DMD: variants seen among roughly 807,000 people sequenced by gnomAD.
DMD encodes mutant dystrophin.
In DMD, 63 loss-of-function variants were observed where a neutral mutation model predicts 330.1. That is an observed-to-expected ratio of 0.19 (90% confidence interval 0.16 to 0.24). The LOEUF is 0.24. DMD is among the 10% of genes least tolerant of loss of function. The pLI is 1.00. For synonymous variants in DMD, 1,223 were observed against 959.8 expected, an observed-to-expected ratio of 1.27 and a Z score of -5.07; for missense variants, 3,344 against 2,684.1, an observed-to-expected ratio of 1.25 and a Z score of -5.43.
chrX:31,300,282 C>G lies in DMD; in HGVS notation c.9224+23316G>C, dbSNP rs7888515. Among the ~76,000 whole-genome samples the G allele has an allele frequency of 8.7e-3, 978 of 112,279 alleles. 8 individuals carry two copies. The highest frequency in any genetic ancestry group is 0.03 in the African/African-American group (924 of 30,889). ...CACGCATTTTTCATGTTACAAAAAT[C>G]TTCCTACAGAAGTTCCAAACCTGTT... is the stretch of plus-strand genomic sequence containing the variant. On this transcript the variant is annotated intron_variant, in intron 62 of 78. Coordinates refer to ENST00000357033, the MANE Select transcript of DMD (RefSeq NM_004006.3).
chrX:31,869,986 C>CT (rs768955214), intron 48 of DMD, among the ~76,000 whole-genome samples: 111 of 111,486 alleles, frequency 1.0e-3, no homozygotes, highest in African/African-American at 3.4e-3. Flanking sequence ...TCATGGAAAT[C>CT]TCCTTCATGA....
At chrX:33,167,258 C>A (rs2148685336) in intron 1 of DMD, among the ~76,000 whole-genome samples, 1 of 111,413 alleles carries the variant, frequency 9.0e-6, no homozygotes, top group African/African-American at 3.2e-5. Flanking sequence ...TTATTTTATG[C>A]ATTTTAATGT....
intron 1 of DMD, among the ~76,000 whole-genome samples, chrX:33,117,529 G>T (rs186927615): frequency 9.0e-6 from 1 of 111,152 alleles, no homozygotes; most frequent in Non-Finnish European, 1.9e-5. Context: ...TGGGGGAAAA[G>T]GTACCTCATA....
At chrX:31,733,789 A>C (rs1325963998) in intron 51 of DMD, among the ~76,000 whole-genome samples, 2 of 111,403 alleles carry the variant, frequency 1.8e-5, no homozygotes, top group Non-Finnish European at 3.8e-5. Flanking sequence ...CTGCCTCTCC[A>C]AATAGAGTGG....
chrX:32,457,066 A>C (rs1300848541), intron 25 of DMD, among the ~76,000 whole-genome samples: 2 of 108,496 alleles, frequency 1.8e-5, no homozygotes, highest in African/African-American at 6.7e-5. Context: ...AGGGGGAAAA[A>C]AAAAAGGAGT....
intron 16 of DMD, among the ~76,000 whole-genome samples, chrX:32,562,010 C>T (rs1027893046): frequency 1.8e-5 from 2 of 111,626 alleles, no homozygotes; most frequent in Non-Finnish European, 3.8e-5. Flanking sequence ...TCGTCACTAT[C>T]GTATTTCATA....
intron 55 of DMD, among the ~76,000 whole-genome samples, chrX:31,538,130 G>T (rs2073551590): frequency 8.9e-6 from 1 of 111,903 alleles, no homozygotes; most frequent in Non-Finnish European, 1.9e-5. Context: ...CTTGTATGAT[G>T]GAATCTGGGT....
At chrX:31,805,495 T>C (rs1603473620) in intron 50 of DMD, among the ~76,000 whole-genome samples, 3 of 112,270 alleles carry the variant, frequency 2.7e-5, no homozygotes, top group African/African-American at 9.7e-5. Flanking sequence ...TATATGGGAC[T>C]TATAGTCATG....
chrX:31,825,156 A>C (rs2092865260), intron 49 of DMD, among the ~76,000 whole-genome samples: 1 of 111,778 alleles, frequency 8.9e-6, no homozygotes, highest in Non-Finnish European at 1.9e-5. Flanking sequence ...TTTCCCTGTG[A>C]AGTTTCTGTA....
intron 12 of DMD, among the ~76,000 whole-genome samples, chrX:32,602,892 C>T (rs995210274): frequency 9.0e-6 from 1 of 111,309 alleles, no homozygotes; most frequent in Non-Finnish European, 1.9e-5. Context: ...GAAATGGTCT[C>T]AAAGGCAGAC....
intron 2 of DMD, among the ~76,000 whole-genome samples, chrX:33,013,864 T>C (rs1243625971): frequency 1.8e-5 from 2 of 111,871 alleles, no homozygotes; most frequent in African/African-American, 6.5e-5. Flanking sequence ...TGTTTGTGTG[T>C]ACGTGTTGAG....
At chrX:31,163,822 G>T (rs1434030981) in intron 74 of DMD, among the ~76,000 whole-genome samples, 1 of 111,921 alleles carries the variant, frequency 8.9e-6, no homozygotes, top group Non-Finnish European at 1.9e-5. Flanking sequence ...TCTCCAGCAT[G>T]TGAAAATTAG....
At chrX:31,443,249 C>T (rs1426527973) in intron 60 of DMD, among the ~76,000 whole-genome samples, 2 of 110,934 alleles carry the variant, frequency 1.8e-5, no homozygotes, top group Non-Finnish European at 3.8e-5. Flanking sequence ...AAGGTAGACG[C>T]ACCTCTTCCA....
intron 1 of DMD, among the ~76,000 whole-genome samples, chrX:33,150,514 G>A (rs964352065): frequency 2.7e-5 from 3 of 109,203 alleles, no homozygotes; most frequent in African/African-American, 1.0e-4. Flanking sequence ...GGTTGGTCTC[G>A]AACTCCTGAC....
intron 7 of DMD, among the ~76,000 whole-genome samples, chrX:32,781,922 T>A (rs1054733757): frequency 9.0e-6 from 1 of 111,444 alleles, no homozygotes; most frequent in African/African-American, 3.3e-5. Context: ...ATATATGGTA[T>A]TCTCCTCAAA....
intron 62 of DMD, among the ~76,000 whole-genome samples, chrX:31,284,048 C>T (rs1358218958): frequency 8.9e-6 from 1 of 112,299 alleles, no homozygotes; most frequent in Admixed American, 9.5e-5. Flanking sequence ...TAAACTTACT[C>T]AGAACACTTA....
At chrX:32,352,745 T>C (rs901791134) in intron 37 of DMD, among the ~76,000 whole-genome samples, 2 of 111,105 alleles carry the variant, frequency 1.8e-5, no homozygotes, top group African/African-American at 6.5e-5. Flanking sequence ...GTGTTCTGAG[T>C]GAAATTTTCA....
chrX:32,680,854 C>G (rs2062363311), intron 9 of DMD, among the ~76,000 whole-genome samples: 2 of 110,954 alleles, frequency 1.8e-5, no homozygotes, highest in South Asian at 7.7e-4. Context: ...AACAGAAAAC[C>G]CTCAGGCTAC....
chrX:32,626,363 G>A (rs2058346292), intron 11 of DMD, among the ~76,000 whole-genome samples: 1 of 95,942 alleles, frequency 1.0e-5, no homozygotes, highest in Non-Finnish European at 1.9e-5. Flanking sequence ...GGCTACTCAG[G>A]AGGCTGAGGC....
Sources: allele counts gnomAD v4.1 joint callset (sites outside exome capture counted in the v4.1 genomes callset), GRCh38; gene constraint gnomAD v4.1.1; transcripts MANE v1.5; gene names NCBI Gene and HGNC (gene_info 2026-07-23, HGNC 2026-07-21).